DLG2: variants seen among roughly 807,000 people sequenced by gnomAD.
DLG2 encodes the protein disks large homolog 2.
DLG2 carries 45 observed loss-of-function variants against 132.5 expected under a neutral mutation model. The ratio of observed to expected loss-of-function variants is 0.34; its 90% CI spans 0.27 to 0.44. The LOEUF (loss-of-function observed/expected upper bound fraction) is 0.44. DLG2 is among the 20% of genes least tolerant of loss of function. The pLI is 1.00. For synonymous variants in DLG2, 424 were observed against 419.6 expected, an observed-to-expected ratio of 1.01 and a Z score of -0.13; for missense variants, 1,045 against 1,196.9, an observed-to-expected ratio of 0.87 and a Z score of 1.87.
intron 4 of DLG2, among the ~76,000 whole-genome samples, chr11:85,157,867 A>G (rs545983913): frequency 1.3e-5 from 2 of 152,214 alleles, no homozygotes; most frequent in African/African-American, 4.8e-5. Flanking sequence ...TTTTTGCCAG[A>G]AGAAACAGCT....
intron 6 of DLG2, among the ~76,000 whole-genome samples, chr11:85,017,577 C>T (rs964755088): frequency 5.3e-5 from 8 of 152,156 alleles, no homozygotes; most frequent in African/African-American, 9.7e-5. Context: ...TAGAGGCTTC[C>T]GCCTTTATGC....
intron 15 of DLG2, among the ~76,000 whole-genome samples, chr11:83,879,096 A>G (rs1311747230): frequency 1.3e-5 from 2 of 152,228 alleles, no homozygotes; most frequent in African/African-American, 2.4e-5. Context: ...TGCTTAATTA[A>G]GAAATTTTTG....
intron 19 of DLG2, among the ~76,000 whole-genome samples, chr11:83,610,235 C>T (rs1031561181): frequency 6.6e-6 from 1 of 152,092 alleles, no homozygotes; most frequent in Non-Finnish European, 1.5e-5. Context: ...CCAGAGTTTA[C>T]CTCTTCCTAT....
intron 18 of DLG2, among the ~76,000 whole-genome samples, chr11:83,667,975 C>CA (rs10688898): frequency 0.65 from 25,527 of 39,344 alleles, 9,860 homozygotes; most frequent in Admixed American, 0.83. Context: ...GACTCCGTCT[C>CA]AAAAAAAAAA....
intron 3 of DLG2, among the ~76,000 whole-genome samples, chr11:85,346,595 C>A (rs1297692918): frequency 6.6e-6 from 1 of 152,112 alleles, no homozygotes; most frequent in East Asian, 1.9e-4. Flanking sequence ...ACTCCCAAGT[C>A]TGGGTCTGTT....
chr11:84,872,381 G>A (rs1489677094), intron 6 of DLG2, among the ~76,000 whole-genome samples: 2 of 152,180 alleles, frequency 1.3e-5, no homozygotes, highest in African/African-American at 2.4e-5. Flanking sequence ...CCAGCCATGT[G>A]TCTGACAGTG....
chr11:84,454,845 A>C (rs1329792252), intron 7 of DLG2, among the ~76,000 whole-genome samples: 1 of 151,458 alleles, frequency 6.6e-6, no homozygotes, highest in African/African-American at 2.4e-5. Flanking sequence ...GAGAGAAGGA[A>C]GGCTTTACAC....
At chr11:84,325,220 T>C (rs1182917230) in intron 7 of DLG2, among the ~76,000 whole-genome samples, 1 of 152,132 alleles carries the variant, frequency 6.6e-6, no homozygotes, top group Non-Finnish European at 1.5e-5. Context: ...TTTTTAAATT[T>C]AATTATTATA....
intron 18 of DLG2, among the ~76,000 whole-genome samples, chr11:83,772,832 T>C (rs2094452250): frequency 6.6e-6 from 1 of 152,206 alleles, no homozygotes; most frequent in Non-Finnish European, 1.5e-5. Context: ...GGTCTTAGTT[T>C]CAGATTTTAT....
chr11:85,300,756 G>A (rs2079537786), intron 3 of DLG2, among the ~76,000 whole-genome samples: 2 of 152,166 alleles, frequency 1.3e-5, no homozygotes, highest in Admixed American at 1.3e-4. Context: ...CCTGTTCTAG[G>A]GAGTTTATTT....
At chr11:85,143,355 T>C (rs985041147) in intron 5 of DLG2, among the ~76,000 whole-genome samples, 1 of 151,848 alleles carries the variant, frequency 6.6e-6, no homozygotes, top group African/African-American at 2.4e-5. Flanking sequence ...GTATCTCTAA[T>C]GATCCTTTGA....
At chr11:83,688,370 T>C (rs645596) in intron 18 of DLG2, among the ~76,000 whole-genome samples, 65,763 of 151,948 alleles carry the variant, frequency 0.43, 15,235 homozygotes, top group African/African-American at 0.6. Context: ...GAGATCACCT[T>C]TGTTAAGTAT....
intron 9 of DLG2, among the ~76,000 whole-genome samples, chr11:84,149,162 G>A (rs1306348964): frequency 6.6e-6 from 1 of 152,080 alleles, no homozygotes; most frequent in Non-Finnish European, 1.5e-5. Context: ...CTCCCATTCT[G>A]TAAGTTGGTT....
chr11:83,639,578 A>C (rs991161473), intron 18 of DLG2, among the ~76,000 whole-genome samples: 1 of 115,586 alleles, frequency 8.7e-6, no homozygotes, highest in Non-Finnish European at 1.7e-5. Context: ...GGACAGAGGA[A>C]GGGGAACATC....
intron 9 of DLG2, among the ~76,000 whole-genome samples, chr11:84,158,264 C>T (rs2095473350): frequency 2.6e-5 from 4 of 152,000 alleles, no homozygotes; most frequent in African/African-American, 4.8e-5. Context: ...GGGGTTTCAC[C>T]GTGTTAGCCA....
chr11:83,681,751 A>C (rs568108176), intron 18 of DLG2: 1 of 152,360 alleles, frequency 6.6e-6, no homozygotes, highest in South Asian at 2.1e-4. Flanking sequence ...GTTACCAGGC[A>C]AACAGTCTGT....
chr11:85,198,080 C>A (rs1426068813), intron 4 of DLG2, among the ~76,000 whole-genome samples: 1 of 151,888 alleles, frequency 6.6e-6, no homozygotes, highest in Non-Finnish European at 1.5e-5. Flanking sequence ...CAGGTCTAGC[C>A]AACACCTAAG....
chr11:83,525,090 G>A (rs572857341), intron 21 of DLG2, among the ~76,000 whole-genome samples: 2 of 152,236 alleles, frequency 1.3e-5, no homozygotes, highest in Admixed American at 6.5e-5. Flanking sequence ...TAGCAGTTTC[G>A]TCATCAGCAA....
chr11:85,074,570 G>C (rs931718705), intron 6 of DLG2, among the ~76,000 whole-genome samples: 2 of 151,754 alleles, frequency 1.3e-5, no homozygotes, highest in Non-Finnish European at 2.9e-5. Flanking sequence ...GTAAAAACTT[G>C]GGCCATAAAC....
Sources: allele counts gnomAD v4.1 joint callset (sites outside exome capture counted in the v4.1 genomes callset), GRCh38; gene constraint gnomAD v4.1.1; transcripts MANE v1.5; gene names NCBI Gene and HGNC (gene_info 2026-07-23, HGNC 2026-07-21).